The following SCN7A variants were observed in gnomAD, a reference collection of about 807,000 sequenced individuals.
SCN7A encodes sodium channel protein type 7 subunit alpha.
A neutral mutation model predicts 155.2 loss-of-function variants in SCN7A; 138 were observed. That is an observed-to-expected ratio of 0.89 (90% CI 0.77 to 1.02). SCN7A has a LOEUF of 1.02. Ranked by LOEUF, SCN7A falls within the 50% of genes least tolerant of loss-of-function variation. The pLI, the probability that SCN7A is intolerant of heterozygous loss-of-function variation, is 0.00. For synonymous variants in SCN7A, 693 were observed against 649.0 expected, an observed-to-expected ratio of 1.07 and a Z score of -1.03; for missense variants, 2,058 against 1,986.6, an observed-to-expected ratio of 1.04 and a Z score of -0.68.
intron 16 of SCN7A, among the ~76,000 whole-genome samples, chr2:166,430,970 A>G (rs760367924): frequency 6.6e-5 from 10 of 152,076 alleles, no homozygotes; most frequent in Non-Finnish European, 1.5e-5. Flanking sequence ...TGAGTAGTTA[A>G]TCAACCAGCA....
Position 166,465,978 on chromosome 2 carries a change from G to T in SCN7A, c.674C>A (p.Ser225Tyr). 6.2e-7 allele frequency: 1 copy of T among 1,609,642 alleles called. No homozygotes were observed. The highest frequency in any genetic ancestry group is 2.2e-5 in the East Asian group (1 of 44,802). ...GCAGTGGATCAGGACCCCTACAAGG[G>T]ATTTCAGACCTGGAAAGAGAAACAT... Reference protein sequence around the residue: ...KIIPLNQGLKSLVGVLIHCLK... With the variant: ...KIIPLNQGLKYLVGVLIHCLK... The change falls in exon 8 of 26, where the codon TCC (serine) becomes TAC (tyrosine). Residue 225 changes from serine (S) to tyrosine (Y), a missense_variant. Transcript: ENST00000643258.
At chr2:166,423,489 T>G in intron 18 of SCN7A, 57 bp from the exon 19 acceptor site, 1 of 1,445,268 alleles carries the variant, frequency 6.9e-7, no homozygotes, top group African/African-American at 1.4e-5. Context: ...CTAAAAACTC[T>G]TTTGACATAA....
rs1218518225 is a variant in SCN7A at position 166,416,846 on chromosome 2, C to G, written c.3275G>C (p.Ser1092Thr). 6.2e-7 allele frequency: 1 copy of G among 1,613,670 alleles called. No homozygotes were observed. Among genetic ancestry groups the G allele is most frequent in the Non-Finnish European group, 8.5e-7 (1 of 1,179,760 alleles). Residue 1092 changes from serine to threonine, a missense_variant, in exon 21 of 26, where the codon AGT (serine) becomes ACT (threonine). Physicochemically the swap from Ser to Thr is moderately conservative, Grantham distance 58 (BLOSUM62 1). Coordinates refer to ENST00000643258, the MANE Select transcript of SCN7A (RefSeq NM_002976.4). Reference protein sequence around the residue: ...GRFYECIDPTSGERFPSSEVM... With the variant: ...GRFYECIDPTTGERFPSSEVM... ...TTCAGATGAAGGAAACCTTTCTCCACTTGTTGGGTCAATGCATTCATAGAA... is the reference window on the plus strand; with the variant it reads ...TTCAGATGAAGGAAACCTTTCTCCAGTTGTTGGGTCAATGCATTCATAGAA...
At chr2:166,474,381 C>T in intron 3 of SCN7A, 37 bp from the exon 4 acceptor site, 1 of 938,766 alleles carries the variant, frequency 1.1e-6, no homozygotes, top group Non-Finnish European at 1.6e-6. Context: ...AATTAGAACT[C>T]AGAACCATAA....
At chr2:166,489,169 T>C (rs1313985814) in intron 1 of SCN7A, among the ~76,000 whole-genome samples, 2 of 152,218 alleles carry the variant, frequency 1.3e-5, no homozygotes, top group African/African-American at 2.4e-5. Flanking sequence ...GAGATGGATA[T>C]GTCTGTGCTC....
chr2:166,490,586 G>A (rs779877072), intron 1 of SCN7A, among the ~76,000 whole-genome samples: 1 of 152,068 alleles, frequency 6.6e-6, no homozygotes, highest in African/African-American at 2.4e-5. Context: ...ACAATGGAAC[G>A]CTATTCGGAC....
intron 17 of SCN7A, among the ~76,000 whole-genome samples, chr2:166,428,143 G>A (rs1036715022): frequency 3.9e-5 from 6 of 152,028 alleles, no homozygotes; most frequent in Non-Finnish European, 8.8e-5. Context: ...ACTGGACTTA[G>A]GAGTTCGGTA....
chr2:166,477,888 T>G (rs929371375), intron 2 of SCN7A, among the ~76,000 whole-genome samples, 178 bp from the exon 3 acceptor site: 1 of 152,022 alleles, frequency 6.6e-6, no homozygotes, highest in Non-Finnish European at 1.5e-5. Flanking sequence ...AGACTTAATT[T>G]GTAATTTCAT....
At chr2:166,469,844 C>T (rs892184293) in intron 7 of SCN7A, among the ~76,000 whole-genome samples, 3 of 151,864 alleles carry the variant, frequency 2.0e-5, no homozygotes, top group African/African-American at 7.2e-5. Context: ...ACAAGCCCCA[C>T]AATTCAATAG....
Position 166,444,863 on chromosome 2 carries a change from G to A in SCN7A, c.1525C>T (p.Leu509Phe). The change falls in exon 13 of 26, where the codon CTT becomes TTT. Residue 509 changes from leucine (L) to phenylalanine (F), a missense_variant. Coordinates refer to ENST00000643258, the MANE Select transcript of SCN7A (RefSeq NM_002976.4). ...HRIIMAPFTD[L>F]FLIICIILNV... Reference sequence around the variant, plus strand: ...AAAATTATGCATATGATAAGGAAAAGATCAGTAAATGGTGCCATTATAATC... The same window carrying A: ...AAAATTATGCATATGATAAGGAAAAAATCAGTAAATGGTGCCATTATAATC... 1 of 1,612,432 alleles carries A rather than the reference G, an allele frequency of 6.2e-7. No homozygotes were observed. Among genetic ancestry groups the A allele is most frequent in the East Asian group, 2.2e-5 (1 of 44,798 alleles).
At chr2:166,434,050 C>T (rs933543887) in intron 15 of SCN7A, among the ~76,000 whole-genome samples, 2 of 152,066 alleles carry the variant, frequency 1.3e-5, no homozygotes, top group African/African-American at 4.8e-5. Flanking sequence ...TTTGTGTGTA[C>T]ATAAAATAAG....
In SCN7A at chr2:166,494,185, C is replaced by CT. The variant is rs1417423309; in HGVS notation, c.-346dup. 6.6e-6 allele frequency: 1 copy of CT among 152,472 alleles called. No homozygotes were observed. The highest frequency in any genetic ancestry group is 1.5e-5 in the Non-Finnish European group (1 of 68,282). 9.4% of individuals were successfully genotyped at this position (152,472 alleles called of 1,614,324 possible). ...CACTAAATGGCCAGTTAGACACCGA[C>CT]TCACTGGGGCGACTCTCCAGCCACT... is the stretch of plus-strand genomic sequence containing the variant. On this transcript the variant is annotated 5_prime_UTR_variant, in exon 1 of 26. Coordinates refer to ENST00000643258, the MANE Select transcript of SCN7A (RefSeq NM_002976.4).
At chr2:166,469,377 A>T (rs1702605249) in intron 7 of SCN7A, among the ~76,000 whole-genome samples, 1 of 151,544 alleles carries the variant, frequency 6.6e-6, no homozygotes, top group African/African-American at 2.4e-5. Context: ...TTACTCTCTC[A>T]TTTCATCTTC....
chr2:166,409,885 A>G lies in SCN7A; in HGVS notation c.3762T>C (p.Asn1254=). The G allele has an allele frequency of 6.4e-7, 1 of 1,568,612 alleles. No homozygotes were observed. Among genetic ancestry groups the G allele is most frequent in the Non-Finnish European group, 8.7e-7 (1 of 1,155,192 alleles). The part of the protein sequence containing the change: ...IFDVVTSQAF[N]VIVMVLICFQ... Reference sequence around the variant, plus strand: ...AACATATAAGAACCATAACAATGACATTAAAAGCTTGGCTTGTTACCACAT... The same window carrying G: ...AACATATAAGAACCATAACAATGACGTTAAAAGCTTGGCTTGTTACCACAT... Residue 1254 remains asparagine (N), a synonymous_variant, in exon 25 of 26, where the codon AAT becomes AAC. Transcript: ENST00000643258.
rs549018095 is a variant in SCN7A at position 166,445,523 on chromosome 2, T to C, written c.1388-523A>G. ...CAAAAACAGAAATACTCTATCCTAATAAAAAACTGAATGAAGGGAAACCCT... is the reference window on the plus strand; with the variant it reads ...CAAAAACAGAAATACTCTATCCTAACAAAAAACTGAATGAAGGGAAACCCT... On this transcript the variant is annotated intron_variant, in intron 12 of 25. Transcript: ENST00000643258. Among the ~76,000 whole-genome samples the C allele has an allele frequency of 2.6e-5, 4 of 152,316 alleles. No homozygotes were observed. The East Asian group carries it at 7.7e-4, about 29-fold the overall frequency.
intron 1 of SCN7A, among the ~76,000 whole-genome samples, chr2:166,489,818 C>T (rs1410966441): frequency 1.3e-5 from 2 of 152,158 alleles, no homozygotes; most frequent in Non-Finnish European, 2.9e-5. Flanking sequence ...CTGGACTCAA[C>T]TTTCTCACTC....
intron 15 of SCN7A, among the ~76,000 whole-genome samples, chr2:166,438,982 T>TAC (rs1701894401): frequency 6.8e-6 from 1 of 146,988 alleles, no homozygotes; most frequent in Non-Finnish European, 1.5e-5. Context: ...AATATATATA[T>TAC]ATATATTTAT....
chr2:166,461,216 C>A (rs1454842160), intron 10 of SCN7A, among the ~76,000 whole-genome samples: 2 of 151,904 alleles, frequency 1.3e-5, no homozygotes, highest in Non-Finnish European at 2.9e-5. Context: ...ATATTGCCCA[C>A]AATTTATCAA....
intron 14 of SCN7A, among the ~76,000 whole-genome samples, chr2:166,442,101 CCTATACGTTGACATGAAAATGATATTGA>C (rs901381992): frequency 2.0e-5 from 3 of 152,040 alleles, no homozygotes; most frequent in Admixed American, 6.6e-5. Context: ...CCACATTTTT[CCTATACGTTGACATGAAAATGATATTGA>C]AAGTCTTTCA....
Sources: gnomAD v4.1 joint callset for allele counts (sites outside exome capture counted in the v4.1 genomes callset) on GRCh38, gnomAD v4.1.1 for gene constraint, MANE v1.5 for transcripts, NCBI Gene and HGNC (gene_info 2026-07-23, HGNC 2026-07-21) for gene names.